ENOX1: variants seen among roughly 807,000 people sequenced by gnomAD.
ENOX1 encodes the protein candidate growth-related and time keeping constitutive hydroquinone (NADH) oxidase.
In ENOX1, 42 loss-of-function variants were observed where a neutral mutation model predicts 82.5. The observed-to-expected ratio is 0.51, with a 90% CI of 0.40 to 0.66. The LOEUF is 0.66. Among genes scored for constraint, ENOX1 ranks in the 30% least tolerant of loss-of-function variants. The probability of loss-of-function intolerance (pLI) is 0.00; values close to 1 mark genes in which losing one functional copy is unlikely to be tolerated. For missense variants in ENOX1, 608 were observed against 811.6 expected, an observed-to-expected ratio of 0.75 and a Z score of 3.05; for synonymous variants, 271 against 282.2, an observed-to-expected ratio of 0.96 and a Z score of 0.40.
intron 2 of ENOX1, among the ~76,000 whole-genome samples, chr13:43,656,526 T>C (rs542946168): frequency 1.1e-4 from 16 of 152,282 alleles, no homozygotes; most frequent in African/African-American, 3.6e-4. Context: ...TCTCAGAAGA[T>C]GAATCGGGAA....
chr13:43,216,436 G>T (rs1025454515), intron 16 of ENOX1, among the ~76,000 whole-genome samples: 5 of 152,216 alleles, frequency 3.3e-5, no homozygotes, highest in African/African-American at 1.2e-4. Flanking sequence ...AATATTGATA[G>T]AAAATGACAC....
chr13:43,636,573 A>T (rs1378425011), intron 2 of ENOX1, among the ~76,000 whole-genome samples: 1 of 152,324 alleles, frequency 6.6e-6, no homozygotes, highest in East Asian at 1.9e-4. Context: ...AAATTATCCT[A>T]TATTTGACAC....
At chr13:43,524,573 T>G (rs1241999665) in intron 2 of ENOX1, among the ~76,000 whole-genome samples, 1 of 152,094 alleles carries the variant, frequency 6.6e-6, no homozygotes, top group Non-Finnish European at 1.5e-5. Context: ...CTTGCTCAGC[T>G]CACTCTGCTC....
intron 12 of ENOX1, among the ~76,000 whole-genome samples, chr13:43,283,700 C>G (rs1191521515): frequency 6.6e-6 from 1 of 151,816 alleles, no homozygotes; most frequent in Non-Finnish European, 1.5e-5. Flanking sequence ...ATCCTCCCGC[C>G]TTGGCCTCCC....
At chr13:43,507,202 A>C (rs1324707129) in intron 2 of ENOX1, among the ~76,000 whole-genome samples, 1 of 151,936 alleles carries the variant, frequency 6.6e-6, no homozygotes, top group East Asian at 1.9e-4. Flanking sequence ...GATATAGAGA[A>C]TCCAACCAGA....
In ENOX1 at chr13:43,776,641, G is replaced by T. The variant is rs186363261; in HGVS notation, c.-285+10011C>A. Among the ~76,000 whole-genome samples the T allele has an allele frequency of 1.8e-4, 27 of 152,280 alleles. No individual in the cohort carries two copies. In the East Asian group the frequency reaches 5.2e-3, roughly 29 times the overall value. ...AGACAGCCTACCACCAGATAGTGAG[G>T]TAATCTAGAGATTAGCATGAACAGG... On this transcript the variant is annotated intron_variant, in intron 1 of 16. Coordinates refer to ENST00000690772, the MANE Select transcript of ENOX1 (RefSeq NM_001347969.2).
intron 3 of ENOX1, among the ~76,000 whole-genome samples, chr13:43,470,218 G>GTGTGTA (rs1566304261): frequency 3.8e-5 from 3 of 79,246 alleles, no homozygotes; most frequent in African/African-American, 1.1e-4. Flanking sequence ...ATATATATAT[G>GTGTGTA]TGTGTGTATG....
intron 2 of ENOX1, among the ~76,000 whole-genome samples, chr13:43,575,859 T>C (rs896030719): frequency 1.3e-5 from 2 of 152,186 alleles, no homozygotes; most frequent in South Asian, 2.1e-4. Context: ...CAAGGGATGA[T>C]GTTCACTTTG....
intron 2 of ENOX1, among the ~76,000 whole-genome samples, chr13:43,519,443 C>A (rs190270692): frequency 6.6e-6 from 1 of 152,136 alleles, no homozygotes; most frequent in African/African-American, 2.4e-5. Context: ...GCCTGGTTGG[C>A]GACTGCTTTG....
intron 14 of ENOX1, among the ~76,000 whole-genome samples, chr13:43,237,738 C>T (rs546525023): frequency 6.6e-6 from 1 of 152,248 alleles, no homozygotes; most frequent in South Asian, 2.1e-4. Context: ...CTGGTCAGAT[C>T]CAAGAGTACA....
chr13:43,702,780 A>G (rs961928202), intron 1 of ENOX1, among the ~76,000 whole-genome samples: 2 of 151,790 alleles, frequency 1.3e-5, no homozygotes, highest in Non-Finnish European at 2.9e-5. Context: ...GTGAAACCCC[A>G]TCTCTACTAA....
intron 1 of ENOX1, among the ~76,000 whole-genome samples, chr13:43,708,297 G>A (rs771714822): frequency 6.6e-4 from 101 of 152,124 alleles, no homozygotes; most frequent in Non-Finnish European, 1.2e-3. Flanking sequence ...TGCGCATGTC[G>A]ACAGCCCACC....
At chr13:43,599,242 C>T (rs1474844350) in intron 2 of ENOX1, among the ~76,000 whole-genome samples, 1 of 152,062 alleles carries the variant, frequency 6.6e-6, no homozygotes, top group Non-Finnish European at 1.5e-5. Context: ...AAATTTATAT[C>T]ACTGAAAGAG....
chr13:43,432,196 T>C (rs2055713735), intron 3 of ENOX1, among the ~76,000 whole-genome samples: 1 of 152,110 alleles, frequency 6.6e-6, no homozygotes, highest in Admixed American at 6.5e-5. Context: ...ATGGCAGTCG[T>C]CTCCTGATCT....
chr13:43,682,041 G>A (rs1464828746), intron 1 of ENOX1, among the ~76,000 whole-genome samples: 1 of 152,048 alleles, frequency 6.6e-6, no homozygotes. Flanking sequence ...CATAATGAAC[G>A]ACTGAGGCTC....
intron 14 of ENOX1, among the ~76,000 whole-genome samples, chr13:43,261,148 G>A (rs1488377651): frequency 2.0e-5 from 3 of 152,216 alleles, no homozygotes; most frequent in Non-Finnish European, 1.5e-5. Flanking sequence ...CCTCAAGCAT[G>A]CTGGACAATG....
intron 1 of ENOX1, among the ~76,000 whole-genome samples, chr13:43,694,531 G>A (rs2086536068): frequency 6.6e-6 from 1 of 152,166 alleles, no homozygotes; most frequent in Non-Finnish European, 1.5e-5. Flanking sequence ...TGTCTTTTGA[G>A]TTTCCTTTAA....
chr13:43,639,752 G>A (rs531942080), intron 2 of ENOX1, among the ~76,000 whole-genome samples: 57 of 152,236 alleles, frequency 3.7e-4, no homozygotes, highest in African/African-American at 8.7e-4. Context: ...AATCTTGGCC[G>A]GGCACAGTGG....
At chr13:43,633,200 T>C (rs1248762910) in intron 2 of ENOX1, among the ~76,000 whole-genome samples, 1 of 152,218 alleles carries the variant, frequency 6.6e-6, no homozygotes, top group Non-Finnish European at 1.5e-5. Context: ...AATTATAAAT[T>C]ATTTGCCATC....
Sources: allele counts gnomAD v4.1 joint callset (sites outside exome capture counted in the v4.1 genomes callset), GRCh38; gene constraint gnomAD v4.1.1; transcripts MANE v1.5; gene names NCBI Gene and HGNC (gene_info 2026-07-23, HGNC 2026-07-21).